The following KIAA1217 variants were observed in gnomAD, a reference collection of about 807,000 sequenced individuals.
The protein encoded by KIAA1217 is KIAA1217, also known as sickle tail protein homolog.
Under a neutral mutation model 163.9 loss-of-function variants are expected in KIAA1217, and 88 were observed. The observed-to-expected ratio is 0.54, with a 90% CI of 0.45 to 0.64. The LOEUF (loss-of-function observed/expected upper bound fraction) is 0.64. KIAA1217 is among the 30% of genes least tolerant of loss of function. The pLI is 0.00. For missense variants in KIAA1217, 2,372 were observed against 2,475.0 expected (o/e 0.96, Z 0.88); for synonymous variants, 903 against 923.1 (o/e 0.98, Z 0.39).
intron 1 of KIAA1217, among the ~76,000 whole-genome samples, chr10:23,852,368 A>G (rs367641069): frequency 1.3e-5 from 2 of 152,058 alleles, no homozygotes; most frequent in Non-Finnish European, 2.9e-5. Context: ...TGTTCCATTG[A>G]TCTATATCTC....
At position 24,380,942 on chromosome 10, in the gene KIAA1217, C is replaced by A; in HGVS notation, c.428C>A (p.Thr143Lys). The A allele has an allele frequency of 6.2e-7, 1 of 1,609,116 alleles. No individual in the cohort carries two copies. The highest frequency in any genetic ancestry group is 2.2e-5 in the East Asian group (1 of 44,638). ...GACCCGGTCGAGCATTTATCAGAGA[C>A]GTCCGCTGATTCTTTGGAAGCCATG... The part of the protein sequence containing the change: ...LGDPVEHLSE[T>K]SADSLEAMSE... The change falls in exon 3 of 21, where the codon ACG becomes AAG. Residue 143 changes from threonine (T) to lysine (K), a missense_variant. Physicochemically the swap from Thr to Lys is moderately conservative, Grantham distance 78. This residue lies in a region of KIAA1217 where 1,431 missense variants were observed against 1,470.3 expected (regional missense o/e 0.97). Transcript: ENST00000376454.
intron 2 of KIAA1217, among the ~76,000 whole-genome samples, chr10:24,281,058 A>T (rs1256453036): frequency 2.6e-5 from 4 of 152,186 alleles, no homozygotes; most frequent in African/African-American, 9.7e-5. Flanking sequence ...AAATAATGTA[A>T]TTTTTAAAAC....
intron 1 of KIAA1217, among the ~76,000 whole-genome samples, chr10:23,719,175 A>T (rs1163520957): frequency 6.6e-6 from 1 of 152,230 alleles, no homozygotes; most frequent in Non-Finnish European, 1.5e-5. Context: ...CAGTGGATGA[A>T]TGGATAAACA....
At position 24,544,132 on chromosome 10, in the gene KIAA1217, A is replaced by G; in HGVS notation, c.4862A>G (p.Lys1621Arg). The G allele has an allele frequency of 6.2e-7, 1 of 1,614,182 alleles. No individual in the cohort carries two copies. Among genetic ancestry groups the G allele is most frequent in the Non-Finnish European group, 8.5e-7 (1 of 1,180,050 alleles). Residue 1621 changes from lysine to arginine, a missense_variant, in exon 19 of 21, where the codon AAG becomes AGG. Lys to Arg is a conservative substitution (Grantham distance 26). This residue lies in a region of KIAA1217 where 690 missense variants were observed against 677.5 expected (regional missense o/e 1.02). Coordinates refer to ENST00000376454, the MANE Select transcript of KIAA1217 (RefSeq NM_019590.5). Reference sequence around the variant, plus strand: ...ACCCTGAAACAGCACAAAGAAGCCAAGCGCTTCGAAATCGCTAGGTCTCAA... The same window carrying G: ...ACCCTGAAACAGCACAAAGAAGCCAGGCGCTTCGAAATCGCTAGGTCTCAA... ...DGTLKQHKEA[K>R]RFEIARSQPE...
chr10:24,373,798 G>A (rs1008773689), intron 2 of KIAA1217, among the ~76,000 whole-genome samples: 3 of 152,170 alleles, frequency 2.0e-5, no homozygotes, highest in East Asian at 1.9e-4. Context: ...GGCTCACTTC[G>A]CTCCACACAG....
rs199963366 is a variant in KIAA1217 at position 23,790,671 on chromosome 10, CAT to C, written c.-321+95445_-321+95446del. Among the ~76,000 whole-genome samples the C allele has an allele frequency of 1.6e-3, 198 of 123,310 alleles. 2 individuals carry two copies. The highest frequency in any genetic ancestry group is 5.9e-3 in the African/African-American group (136 of 23,106). The allele number at this position is 123,310 out of a possible 152,430, so 80.9% of individuals were successfully genotyped here. A position where few individuals can be genotyped will look rare whatever the true frequency, so the allele number is the denominator to read the frequency against. On this transcript the variant is annotated intron_variant, in intron 1 of 18. Transcript: ENST00000376462. Reference sequence around the variant, plus strand: ...TATGTGTATATATATACATATATATCATATATATAATATGTATGTATATATAC... The same window carrying C: ...TATGTGTATATATATACATATATATCATATATAATATGTATGTATATATAC...
chr10:24,161,134 T>C (rs1379751877), intron 2 of KIAA1217, among the ~76,000 whole-genome samples: 1 of 152,220 alleles, frequency 6.6e-6, no homozygotes, highest in African/African-American at 2.4e-5. Flanking sequence ...AGGAGAAGTC[T>C]TGTGGTTTAA....
At chr10:24,441,351 CAA>C (rs746349913) in intron 5 of KIAA1217, among the ~76,000 whole-genome samples, 55 of 152,152 alleles carry the variant, frequency 3.6e-4, no homozygotes, top group Non-Finnish European at 5.9e-4. Flanking sequence ...AGAGGGGCAA[CAA>C]AAGTCACACC....
chr10:23,957,143 C>A (rs1844601968), intron 1 of KIAA1217, among the ~76,000 whole-genome samples: 1 of 152,166 alleles, frequency 6.6e-6, no homozygotes, highest in Admixed American at 6.5e-5. Context: ...CAGTGATTCC[C>A]AGCTGCTCTA....
intron 2 of KIAA1217, among the ~76,000 whole-genome samples, chr10:24,068,651 T>C (rs1472310617): frequency 1.3e-5 from 2 of 152,192 alleles, no homozygotes; most frequent in South Asian, 4.1e-4. Flanking sequence ...TCTGTTGGCC[T>C]CTCAAATCTT....
chr10:24,494,580 C>G lies in KIAA1217; in HGVS notation c.1760C>G (p.Thr587Arg), dbSNP rs963879081. 1.9e-6 allele frequency: 3 copies of G among 1,612,140 alleles called. No individual in the cohort carries two copies. The highest frequency in any genetic ancestry group is 2.5e-6 in the Non-Finnish European group (3 of 1,178,872). Residue 587 changes from threonine to arginine, a missense_variant, in exon 7 of 21, where the codon ACA becomes AGA. Physicochemically the swap from Thr to Arg is moderately conservative, Grantham distance 71. Around this residue, in one of 3 missense-constraint regions of KIAA1217, gnomAD observed 1,431 missense variants for 1,470.3 expected, o/e 0.97. Coordinates refer to ENST00000376454, the MANE Select transcript of KIAA1217 (RefSeq NM_019590.5). Reference sequence around the variant, plus strand: ...TCTGCGCTTTTTAAAGGGCCCATTACAAGTTATAGCAAAGATGCGTCTAGG... The same window carrying G: ...TCTGCGCTTTTTAAAGGGCCCATTAGAAGTTATAGCAAAGATGCGTCTAGG... ...VQSALFKGPI[T>R]SYSKDASSEK...
At chr10:23,912,481 CT>C (rs1423517542) in intron 1 of KIAA1217, among the ~76,000 whole-genome samples, 12 of 152,076 alleles carry the variant, frequency 7.9e-5, no homozygotes, top group Admixed American at 2.0e-4. Context: ...ACCCTCACCC[CT>C]CTCCTACTTT....
In KIAA1217 at chr10:24,546,975, C is replaced by T. The variant is rs1666559052; in HGVS notation, c.*651C>T. 6.6e-6 allele frequency: 1 copy of T among 152,230 alleles called. No homozygotes were observed. The highest frequency in any genetic ancestry group is 6.6e-5 in the Admixed American group (1 of 15,258). The allele number at this position is 152,230 out of a possible 1,614,324, so 9.4% of individuals were successfully genotyped here. On this transcript the variant is annotated 3_prime_UTR_variant, in exon 21 of 21. Coordinates refer to ENST00000376454, the MANE Select transcript of KIAA1217 (RefSeq NM_019590.5). ...GCAATTTATCAAACCTATTGCACTG[C>T]CATGAAAAGTGTGTATAATAATTTG...
intron 2 of KIAA1217, among the ~76,000 whole-genome samples, chr10:24,233,009 C>T (rs2071668972): frequency 6.6e-6 from 1 of 150,460 alleles, no homozygotes; most frequent in Non-Finnish European, 1.5e-5. Flanking sequence ...CCTACAGTCC[C>T]AGATACTTAG....
At chr10:24,397,380 G>A (rs536389668) in intron 3 of KIAA1217, among the ~76,000 whole-genome samples, 1 of 152,246 alleles carries the variant, frequency 6.6e-6, no homozygotes, top group South Asian at 2.1e-4. Context: ...GAACCACTGT[G>A]CCTGGCTGAT....
intron 2 of KIAA1217, among the ~76,000 whole-genome samples, chr10:24,008,790 G>A (rs185549474): frequency 6.6e-6 from 1 of 152,224 alleles, no homozygotes; most frequent in East Asian, 1.9e-4. Context: ...ACATTCCTAC[G>A]CTACCGCCCC....
chr10:23,828,470 T>A (rs16923925), intron 1 of KIAA1217, among the ~76,000 whole-genome samples: 42,291 of 152,052 alleles, frequency 0.28, 6,941 homozygotes, highest in African/African-American at 0.45. Context: ...AGTTTGGTTT[T>A]ATAACACCGT....
intron 1 of KIAA1217, among the ~76,000 whole-genome samples, chr10:23,896,653 A>G (rs906989166): frequency 2.0e-5 from 3 of 152,176 alleles, no homozygotes; most frequent in African/African-American, 4.8e-5. Flanking sequence ...GCAGCCAGTT[A>G]TTTTGAAGGA....
chr10:24,255,756 G>C lies in KIAA1217; in HGVS notation c.354+35847G>C, dbSNP rs189921544. 1.6e-3 allele frequency among the ~76,000 whole-genome samples: 238 copies of C among 152,198 alleles called. 1 individual carries two copies. Among genetic ancestry groups the C allele is most frequent in the African/African-American group, 5.4e-3 (225 of 41,528 alleles). On this transcript the variant is annotated intron_variant, in intron 2 of 20. Transcript: ENST00000376454. ...CCAAAAGAGGGCCGGGGGCCAATCT[G>C]GTTTCTTTCAAGTGAAATTATGCTT...
Sources: allele counts gnomAD v4.1 joint callset (sites outside exome capture counted in the v4.1 genomes callset), GRCh38; gene constraint gnomAD v4.1.1; regional missense constraint gnomAD v4.1.1; transcripts MANE v1.5; gene names NCBI Gene and HGNC (gene_info 2026-07-23, HGNC 2026-07-21).